SMAP2: variants seen among roughly 807,000 people sequenced by gnomAD.
The protein encoded by SMAP2 is stromal membrane-associated protein 2.
In SMAP2, 25 loss-of-function variants were observed where a neutral mutation model predicts 56.4. That is an observed-to-expected ratio of 0.44 (90% CI 0.32 to 0.62). SMAP2 has a LOEUF of 0.62. SMAP2 is among the 20% of genes least tolerant of loss of function. SMAP2 has a pLI of 0.04. For synonymous variants in SMAP2, 157 were observed against 181.7 expected (o/e 0.86, Z 1.09); for missense variants, 388 against 545.6 (o/e 0.71, Z 2.88).
At position 40,374,090 on chromosome 1, in the gene SMAP2, G is replaced by C. The variant is rs748047965; in HGVS notation, c.-31G>C. ...GGGTCTCTGGGGGCGAGGAGGGCGC[G>C]TCGCCCTCTGCCCCCGCCGGCACCC... On this transcript the variant is annotated 5_prime_UTR_variant, in exon 1 of 10. Transcript: ENST00000372718. The surrounding 1 kb of genome is among the most constrained non-coding windows in gnomAD (Gnocchi z 5.9). The C allele has an allele frequency of 4.5e-6, 7 of 1,544,836 alleles. No individual in the cohort carries two copies. Among genetic ancestry groups the C allele is most frequent in the Non-Finnish European group, 6.2e-6 (7 of 1,125,156 alleles).
At position 40,398,201 on chromosome 1, in the gene SMAP2, A is replaced by AT. The variant is rs201788821; in HGVS notation, c.104-8527dup. 3.3e-3 allele frequency among the ~76,000 whole-genome samples: 502 copies of AT among 152,022 alleles called. 3 individuals carry two copies. Among genetic ancestry groups the AT allele is most frequent in the African/African-American group, 0.012 (477 of 41,452 alleles). ...TAATAATTTACATATAGTCTTCTAG[A>AT]TTTTTTTTCTGTGCATACGCGTACA... is the stretch of plus-strand genomic sequence containing the variant. On this transcript the variant is annotated intron_variant, in intron 1 of 9. Coordinates refer to ENST00000372718, the MANE Select transcript of SMAP2 (RefSeq NM_022733.3).
At position 40,347,310 on chromosome 1, in the gene SMAP2, C is replaced by T. The variant is rs540413693; in HGVS notation, c.-83+2400C>T. ...TTCACCACGTTGGCCAGGCTGGTCT[C>T]GAACTCTTGACCTTAGGTGATCTGC... On this transcript the variant is annotated intron_variant, in intron 1 of 6. Transcript: ENST00000435168. Among the ~76,000 whole-genome samples, 233 of 149,474 alleles carry T rather than the reference C, an allele frequency of 1.6e-3. 1 individual carries two copies. Among genetic ancestry groups the T allele is most frequent in the Non-Finnish European group, 2.8e-3 (189 of 67,726 alleles).
chr1:40,384,125 T>A (rs1397667445), intron 1 of SMAP2, among the ~76,000 whole-genome samples: 2 of 152,186 alleles, frequency 1.3e-5, no homozygotes, highest in Admixed American at 1.3e-4. Flanking sequence ...CTCAAACTCC[T>A]GGCCTCAAGT....
chr1:40,385,802 T>C lies in SMAP2; in HGVS notation c.103+11579T>C, dbSNP rs1644648394. 6.6e-6 allele frequency among the ~76,000 whole-genome samples: 1 copy of C among 152,246 alleles called. No individual in the cohort carries two copies. The highest frequency in any genetic ancestry group is 2.4e-5 in the African/African-American group (1 of 41,462). ...ATCCTACAATGTTATTTCACCTCAG[T>C]GGTCTGAAGTGCGCACACAGTACAT... On this transcript the variant is annotated intron_variant, in intron 1 of 9. Coordinates refer to ENST00000372718, the MANE Select transcript of SMAP2 (RefSeq NM_022733.3). The surrounding 1 kb of genome is among the most constrained non-coding windows in gnomAD (Gnocchi z 4.5).
chr1:40,379,115 G>A (rs1644570866), intron 1 of SMAP2, among the ~76,000 whole-genome samples: 1 of 151,902 alleles, frequency 6.6e-6, no homozygotes, highest in Non-Finnish European at 1.5e-5. Context: ...GAGTAGCTGG[G>A]CGCCCACCAC....
In SMAP2 at chr1:40,385,939, T is replaced by C. The variant is rs1276511327; in HGVS notation, c.103+11716T>C. ...TTGAGTTAAGGAAGTTTTGTCTTGA[T>C]ATTGTTTAGGTGGTTGTTTTTGTTC... is the stretch of plus-strand genomic sequence containing the variant. On this transcript the variant is annotated intron_variant, in intron 1 of 9. Transcript: ENST00000372718. This position sits in a 1 kb window ranked among gnomAD's most constrained non-coding sequence, Gnocchi z 4.5. 6.6e-6 allele frequency among the ~76,000 whole-genome samples: 1 copy of C among 152,226 alleles called. No homozygotes were observed. Among genetic ancestry groups the C allele is most frequent in the Non-Finnish European group, 1.5e-5 (1 of 68,038 alleles).
rs563340941 is a variant in SMAP2, at chr1:40,415,457, G to T, written c.681+76G>T. 4.1e-6 allele frequency: 4 copies of T among 966,390 alleles called. 1 individual carries two copies. Among genetic ancestry groups the T allele is most frequent in the Non-Finnish European group, 3.3e-6 (2 of 597,774 alleles). 59.9% of individuals were successfully genotyped at this position (966,390 alleles called of 1,614,324 possible). On this transcript the variant is annotated intron_variant, in intron 7 of 9. Coordinates refer to ENST00000372718, the MANE Select transcript of SMAP2 (RefSeq NM_022733.3). The stretch of plus-strand genomic sequence containing the variant: ...TTTGATATCTTAATCATGGAACCAC[G>T]TCATGCTTCCTTGGTGGAGTTGGAC...
In SMAP2 at chr1:40,373,738, C is replaced by A. The variant is rs1462637711; in HGVS notation, c.-383C>A. On this transcript the variant is annotated 5_prime_UTR_variant, in exon 1 of 10. Transcript: ENST00000372718. ...CGGAAGTAGGCGGTGGAGGTGGTAG[C>A]GGAGCTGACGGCAGCTGCCAGGGAA... The A allele has an allele frequency of 1.1e-5, 2 of 177,488 alleles. No homozygotes were observed. Among genetic ancestry groups the A allele is most frequent in the Non-Finnish European group, 2.4e-5 (2 of 83,342 alleles). The allele number at this position is 177,488 out of a possible 1,614,324, so 11.0% of individuals were successfully genotyped here.
rs1051508945 is a variant in SMAP2, at chr1:40,374,029, G to T, written c.-92G>T. ...CCCCGCTCAGGAGGTGCCCCTGGGC[G>T]GGGGACCGGGAGTCCTCAACCCCGG... On this transcript the variant is annotated 5_prime_UTR_variant, in exon 1 of 10. Transcript: ENST00000372718. The surrounding 1 kb of genome is among the most constrained non-coding windows in gnomAD (Gnocchi z 5.9). 66 of 956,186 alleles carry T rather than the reference G, an allele frequency of 6.9e-5. No individual in the cohort carries two copies. The Admixed American group carries it at 1.4e-3, about 20-fold the overall frequency. The allele number at this position is 956,186 out of a possible 1,614,324, so 59.2% of individuals were successfully genotyped here.
intron 1 of SMAP2, among the ~76,000 whole-genome samples, chr1:40,355,246 T>A (rs209593): frequency 0.19 from 28,535 of 152,124 alleles, 3,861 homozygotes; most frequent in African/African-American, 0.39. Context: ...TCTACTCAGG[T>A]TATGATAGTG....
intron 1 of SMAP2, chr1:40,344,988 T>C (rs1193247334): frequency 6.6e-6 from 1 of 151,992 alleles, no homozygotes; most frequent in South Asian, 2.1e-4. Context: ...CTCTTTCTTT[T>C]TCTTTCTTTC....
upstream of SMAP2, among the ~76,000 whole-genome samples, chr1:40,372,185 G>C (rs1370305409): frequency 6.6e-6 from 1 of 152,186 alleles, no homozygotes; most frequent in Admixed American, 6.5e-5. Context: ...TTAGACTAAG[G>C]CAGGAAGGCT....
At chr1:40,376,221 G>T (rs1380575849) in intron 1 of SMAP2, among the ~76,000 whole-genome samples, 2 of 152,192 alleles carry the variant, frequency 1.3e-5, no homozygotes, top group African/African-American at 4.8e-5. Context: ...AAAGTGCTGG[G>T]ATTACAGGTG....
chr1:40,390,861 A>G (rs1644708768), intron 1 of SMAP2, among the ~76,000 whole-genome samples: 2 of 152,164 alleles, frequency 1.3e-5, no homozygotes, highest in Non-Finnish European at 2.9e-5. Flanking sequence ...AGAATTTTGT[A>G]CTCTAAACGT....
intron 1 of SMAP2, among the ~76,000 whole-genome samples, chr1:40,406,289 T>TG (rs1644885429): frequency 6.6e-6 from 1 of 152,236 alleles, no homozygotes; most frequent in African/African-American, 2.4e-5. Flanking sequence ...ACACTCATAT[T>TG]AGCAGACACT....
intron 1 of SMAP2, among the ~76,000 whole-genome samples, chr1:40,393,011 G>A (rs382611): frequency 0.91 from 137,800 of 151,738 alleles, 62,821 homozygotes; most frequent in African/African-American, 0.98. Context: ...CTGAGGCAGG[G>A]GAATAGCTTG....
intron 1 of SMAP2, chr1:40,393,353 G>T: frequency 6.5e-7 from 1 of 1,533,084 alleles, no homozygotes; most frequent in Non-Finnish European, 8.7e-7. Context: ...CCACAAATGA[G>T]TGAGTGCAGC....
intron 1 of SMAP2, among the ~76,000 whole-genome samples, chr1:40,355,997 G>A (rs1024384042): frequency 9.9e-5 from 15 of 151,814 alleles, no homozygotes; most frequent in African/African-American, 3.6e-4. Flanking sequence ...AACCTTCCCT[G>A]TCTCTGGTAA....
intron 4 of SMAP2, 50 bp from the exon 5 acceptor site, chr1:40,412,966 C>T (rs1238591788): frequency 1.5e-6 from 2 of 1,348,222 alleles, no homozygotes; most frequent in East Asian, 2.3e-5. Flanking sequence ...ATTTATCCAA[C>T]TATTAGTCAC....
Sources: gnomAD v4.1 joint callset for allele counts (sites outside exome capture counted in the v4.1 genomes callset) on GRCh38, gnomAD v4.1.1 for gene constraint, Gnocchi (gnomAD v3.1) non-coding constraint, MANE v1.5 for transcripts, NCBI Gene and HGNC (gene_info 2026-07-23, HGNC 2026-07-21) for gene names.